The following PTPRN2 variants were observed in gnomAD, a reference collection of about 807,000 sequenced individuals.
PTPRN2 encodes the protein receptor-type tyrosine-protein phosphatase N2.
A neutral mutation model predicts 118.8 loss-of-function variants in PTPRN2; 74 were observed. That is an observed-to-expected ratio of 0.62 (90% CI 0.52 to 0.76). The LOEUF (loss-of-function observed/expected upper bound fraction) is 0.76, where lower values mean the gene tolerates loss of function less well. Ranked by LOEUF, PTPRN2 falls within the 30% of genes least tolerant of loss-of-function variation. PTPRN2 has a pLI of 0.00. For synonymous variants in PTPRN2, 641 were observed against 608.0 expected (o/e 1.05, Z -0.80); for missense variants, 1,481 against 1,394.4 (o/e 1.06, Z -0.99).
intron 14 of PTPRN2, among the ~76,000 whole-genome samples, chr7:157,653,726 T>A (rs1475345396): frequency 6.6e-6 from 1 of 152,006 alleles, no homozygotes; most frequent in Non-Finnish European, 1.5e-5. Context: ...TCAGAACTGC[T>A]GAGTGAGAGG....
intron 12 of PTPRN2, among the ~76,000 whole-genome samples, chr7:157,742,484 GTT>G (rs764502341): frequency 2.1e-5 from 3 of 140,226 alleles, no homozygotes; most frequent in African/African-American, 5.2e-5. Flanking sequence ...GCTGACTTCT[GTT>G]TTTTTTTTTT....
intron 11 of PTPRN2, among the ~76,000 whole-genome samples, chr7:158,021,246 G>A (rs941916954): frequency 6.6e-6 from 1 of 152,140 alleles, no homozygotes; most frequent in East Asian, 1.9e-4. Flanking sequence ...GAACACAGCA[G>A]GTATTAGGAA....
intron 2 of PTPRN2, among the ~76,000 whole-genome samples, chr7:158,370,935 T>C (rs983932447): frequency 6.6e-6 from 1 of 152,212 alleles, no homozygotes; most frequent in Non-Finnish European, 1.5e-5. Context: ...TACACACAAC[T>C]GTTTTTGAAT....
intron 11 of PTPRN2, among the ~76,000 whole-genome samples, chr7:158,039,890 G>A (rs182969630): frequency 6.6e-6 from 1 of 152,328 alleles, no homozygotes; most frequent in East Asian, 1.9e-4. Context: ...GAACAGATGG[G>A]TGATTTGAGA....
chr7:158,204,242 C>G (rs927543844), intron 4 of PTPRN2, among the ~76,000 whole-genome samples: 7 of 147,238 alleles, frequency 4.8e-5, no homozygotes, highest in Admixed American at 3.4e-4. Flanking sequence ...GCGCCGCTTG[C>G]TGGGGAAAGA....
intron 3 of PTPRN2, among the ~76,000 whole-genome samples, chr7:158,275,478 C>G (rs1015513275): frequency 1.3e-5 from 2 of 152,160 alleles, no homozygotes; most frequent in African/African-American, 4.8e-5. Context: ...AAGCAGCCAA[C>G]AATAAAACTG....
At chr7:158,039,946 A>G (rs1164552207) in intron 11 of PTPRN2, among the ~76,000 whole-genome samples, 2 of 152,190 alleles carry the variant, frequency 1.3e-5, no homozygotes, top group Admixed American at 6.5e-5. Context: ...TAGAGATCAA[A>G]ATCACTGTAA....
chr7:158,442,827 A>G (rs1298911915), intron 2 of PTPRN2, among the ~76,000 whole-genome samples: 1 of 152,150 alleles, frequency 6.6e-6, no homozygotes, highest in Non-Finnish European at 1.5e-5. Context: ...CTTTTTTGTC[A>G]GAAAATAAAA....
intron 3 of PTPRN2, among the ~76,000 whole-genome samples, chr7:158,256,687 T>C (rs1454042429): frequency 6.6e-6 from 1 of 152,080 alleles, no homozygotes. Context: ...TGGACAACCA[T>C]GCACTACCCT....
intron 1 of PTPRN2, among the ~76,000 whole-genome samples, chr7:158,553,521 C>T (rs1397862077): frequency 6.6e-6 from 1 of 150,764 alleles, no homozygotes; most frequent in Non-Finnish European, 1.5e-5. Flanking sequence ...CAGACACAGG[C>T]TTGGGGGTCT....
intron 11 of PTPRN2, among the ~76,000 whole-genome samples, chr7:157,924,178 G>C (rs1469074916): frequency 6.6e-6 from 1 of 152,190 alleles, no homozygotes; most frequent in East Asian, 1.9e-4. Context: ...AGGATGAGGG[G>C]GCGCGGCCAC....
chr7:158,104,180 A>G (rs1354508492), intron 10 of PTPRN2, among the ~76,000 whole-genome samples: 1 of 152,176 alleles, frequency 6.6e-6, no homozygotes, highest in Admixed American at 6.5e-5. Flanking sequence ...ATTTAAGGCA[A>G]TGGAGCATCA....
intron 5 of PTPRN2, among the ~76,000 whole-genome samples, chr7:158,178,590 T>TTTC (rs1491142540): frequency 0.014 from 160 of 11,328 alleles, 10 homozygotes; most frequent in Admixed American, 0.018. Flanking sequence ...ATTTTCTTTC[T>TTTC]TTTTTTTTTT....
At chr7:158,471,558 G>T (rs970247013) in intron 2 of PTPRN2, among the ~76,000 whole-genome samples, 8 of 152,054 alleles carry the variant, frequency 5.3e-5, no homozygotes, top group Admixed American at 1.3e-4. Context: ...TGTGGTGGCA[G>T]GTGCCTGTAG....
chr7:158,440,626 G>T (rs1363031187), intron 2 of PTPRN2, among the ~76,000 whole-genome samples: 1 of 148,076 alleles, frequency 6.8e-6, no homozygotes, highest in East Asian at 2.0e-4. Flanking sequence ...GATGGAGGTG[G>T]TCGTGGTGAT....
intron 3 of PTPRN2, among the ~76,000 whole-genome samples, chr7:158,257,383 C>T (rs1314433747): frequency 1.3e-5 from 2 of 152,170 alleles, no homozygotes; most frequent in Non-Finnish European, 2.9e-5. Context: ...ATTCTTTTCT[C>T]CTCAGCGTTA....
chr7:157,913,351 G>C (rs1467497774), intron 11 of PTPRN2, among the ~76,000 whole-genome samples: 1 of 152,154 alleles, frequency 6.6e-6, no homozygotes, highest in Non-Finnish European at 1.5e-5. Context: ...GGCCGTCTGT[G>C]AATAATGACA....
At chr7:158,205,671 G>A (rs1827076707) in intron 3 of PTPRN2, among the ~76,000 whole-genome samples, 1 of 152,136 alleles carries the variant, frequency 6.6e-6, no homozygotes, top group South Asian at 2.1e-4. Context: ...CATTGAAAGA[G>A]GCACTGAAGA....
At chr7:157,922,928 T>G (rs1798768484) in intron 11 of PTPRN2, among the ~76,000 whole-genome samples, 1 of 152,266 alleles carries the variant, frequency 6.6e-6, no homozygotes, top group African/African-American at 2.4e-5. Flanking sequence ...GTGGCAAGCC[T>G]GCTCTGGGAC....
Sources: gnomAD v4.1 joint callset for allele counts (sites outside exome capture counted in the v4.1 genomes callset) on GRCh38, gnomAD v4.1.1 for gene constraint, MANE v1.5 for transcripts, NCBI Gene and HGNC (gene_info 2026-07-23, HGNC 2026-07-21) for gene names.